SRFBP1: variants seen among roughly 807,000 people sequenced by gnomAD.
SRFBP1 encodes the protein serum response factor binding protein 1.
SRFBP1 carries 47 observed loss-of-function variants against 45.5 expected under a neutral mutation model. The observed-to-expected ratio is 1.03, with a 90% CI of 0.82 to 1.32. The LOEUF (loss-of-function observed/expected upper bound fraction) is 1.32. Among genes scored for constraint, SRFBP1 ranks in the 40% most tolerant of loss-of-function variants. SRFBP1 has a pLI of 0.00. For missense variants in SRFBP1, 621 were observed against 484.6 expected (o/e 1.28, Z -2.64); for synonymous variants, 203 against 166.3 (o/e 1.22, Z -1.70).
intron 4 of SRFBP1, among the ~76,000 whole-genome samples, chr5:122,012,878 A>G (rs1753122612): frequency 6.6e-6 from 1 of 152,122 alleles, no homozygotes; most frequent in South Asian, 2.1e-4. Context: ...TATCCTCATT[A>G]TCAGTTGTGA....
At chr5:122,005,548 A>G (rs982952511) in intron 4 of SRFBP1, among the ~76,000 whole-genome samples, 3 of 152,160 alleles carry the variant, frequency 2.0e-5, no homozygotes, top group African/African-American at 7.2e-5. Context: ...AGTCTCTTAT[A>G]GGCAGCATAT....
intron 4 of SRFBP1, among the ~76,000 whole-genome samples, chr5:122,009,771 A>G (rs1375010012): frequency 1.3e-5 from 2 of 152,310 alleles, no homozygotes; most frequent in African/African-American, 4.8e-5. Flanking sequence ...AAAGTGGTTC[A>G]TGTTCTGCAG....
At chr5:121,995,190 C>T (rs936988607) in intron 4 of SRFBP1, among the ~76,000 whole-genome samples, 2 of 151,662 alleles carry the variant, frequency 1.3e-5, no homozygotes, top group African/African-American at 4.9e-5. Context: ...GAACTCTCCA[C>T]CCCAAATCAA....
At chr5:121,995,999 G>T (rs867703611) in intron 4 of SRFBP1, among the ~76,000 whole-genome samples, 8,314 of 151,946 alleles carry the variant, frequency 0.055, 313 homozygotes, top group Non-Finnish European at 0.082. Context: ...AATAACAGGA[G>T]CTGAAATTGT....
Position 121,974,224 on chromosome 5 carries a change from G to T in SRFBP1, c.65G>T (p.Arg22Ile), listed in dbSNP as rs182811437. ...GTGAAGATGAGAAAAGAAGTGAAGA[G>T]AATTCGAGTTTTAGTTATCCGAAAA... ...EVVKMRKEVKRIRVLVIRKLV... is the reference protein window; with the variant it reads ...EVVKMRKEVKIIRVLVIRKLV... Residue 22 changes from arginine to isoleucine, a missense_variant, in exon 2 of 8, where the codon AGA (arginine) becomes ATA (isoleucine). By Grantham distance (97) the Arg-to-Ile change is moderately conservative. Coordinates refer to ENST00000339397, the MANE Select transcript of SRFBP1 (RefSeq NM_152546.3). 3.7e-6 allele frequency: 6 copies of T among 1,611,436 alleles called. No homozygotes were observed. In the East Asian group the frequency reaches 6.7e-5, roughly 18 times the overall value.
At chr5:122,074,437 A>G (rs1754555106) in intron 2 of SRFBP1, among the ~76,000 whole-genome samples, 1 of 152,184 alleles carries the variant, frequency 6.6e-6, no homozygotes. Context: ...GTCTTTGAAT[A>G]TTAAATAGAA....
At chr5:122,048,645 G>A (rs1429119125) in intron 2 of SRFBP1, among the ~76,000 whole-genome samples, 1 of 152,226 alleles carries the variant, frequency 6.6e-6, no homozygotes, top group Middle Eastern at 3.4e-3. Flanking sequence ...TGTACCTCTG[G>A]TAGAATTCAG....
chr5:121,992,281 G>A (rs1365269931), intron 3 of SRFBP1, among the ~76,000 whole-genome samples: 2 of 152,000 alleles, frequency 1.3e-5, no homozygotes, highest in African/African-American at 2.4e-5. Flanking sequence ...TTGATTCATG[G>A]TGTCTTTCTC....
chr5:122,004,590 T>C (rs1752941252), intron 4 of SRFBP1, among the ~76,000 whole-genome samples: 1 of 152,134 alleles, frequency 6.6e-6, no homozygotes. Flanking sequence ...AGGTTTATAG[T>C]TTTATATCTT....
chr5:122,078,883 G>T (rs531686251), downstream of SRFBP1, among the ~76,000 whole-genome samples: 1 of 152,358 alleles, frequency 6.6e-6, no homozygotes, highest in East Asian at 1.9e-4. Context: ...ATTGTACAGG[G>T]AACAAAGCCA....
chr5:122,043,904 A>G (rs1753811179), intron 2 of SRFBP1, among the ~76,000 whole-genome samples: 1 of 152,048 alleles, frequency 6.6e-6, no homozygotes, highest in South Asian at 2.1e-4. Context: ...TTTGTTATAT[A>G]GTTAATCTCC....
chr5:121,992,245 C>T (rs1752634984), intron 3 of SRFBP1, among the ~76,000 whole-genome samples: 1 of 152,032 alleles, frequency 6.6e-6, no homozygotes. Context: ...CCTGCCTTTT[C>T]AGCTTCTGTA....
intron 2 of SRFBP1, among the ~76,000 whole-genome samples, chr5:122,045,225 T>C (rs1753837172): frequency 6.6e-6 from 1 of 152,194 alleles, no homozygotes; most frequent in Non-Finnish European, 1.5e-5. Context: ...TGTCTGTTTT[T>C]GTACCAGGAC....
At chr5:122,031,160 A>G (rs141325950), downstream of SRFBP1, among the ~76,000 whole-genome samples, 993 of 152,322 alleles carry the variant, frequency 6.5e-3, 7 homozygotes, top group African/African-American at 0.021. Flanking sequence ...TTATTAGCAC[A>G]CTACTAAGCA....
At chr5:122,032,422 A>T (rs541982944), downstream of SRFBP1, among the ~76,000 whole-genome samples, 1 of 147,556 alleles carries the variant, frequency 6.8e-6, no homozygotes, top group Non-Finnish European at 1.5e-5. Context: ...AATAAATCTC[A>T]TTAATCCCTG....
chr5:122,063,229 A>G (rs1416689283), intron 2 of SRFBP1: 1 of 151,990 alleles, frequency 6.6e-6, no homozygotes, highest in Admixed American at 6.6e-5. Context: ...GCATTTTTAT[A>G]TAATCTTGCA....
intron 2 of SRFBP1, among the ~76,000 whole-genome samples, chr5:122,054,887 A>G (rs1754052273): frequency 6.6e-6 from 1 of 152,188 alleles, no homozygotes; most frequent in Non-Finnish European, 1.5e-5. Flanking sequence ...TAGTTATGTC[A>G]TTTCTACCTT....
At chr5:122,020,930 C>G in intron 6 of SRFBP1, 128 bp downstream of exon 6, 1 of 831,916 alleles carries the variant, frequency 1.2e-6, no homozygotes, top group Non-Finnish European at 1.8e-6. Flanking sequence ...TAGACATGGC[C>G]CTCTCCAAGG....
chr5:122,021,901 G>T (rs2112710169), intron 6 of SRFBP1, among the ~76,000 whole-genome samples: 1 of 149,428 alleles, frequency 6.7e-6, no homozygotes, highest in Non-Finnish European at 1.5e-5. Context: ...TCACCATATT[G>T]GCCCGGTTAG....
Sources: gnomAD v4.1 joint callset for allele counts (sites outside exome capture counted in the v4.1 genomes callset) on GRCh38, gnomAD v4.1.1 for gene constraint, MANE v1.5 for transcripts, NCBI Gene and HGNC (gene_info 2026-07-23, HGNC 2026-07-21) for gene names.